PTPRR: variants seen among roughly 807,000 people sequenced by gnomAD.
PTPRR encodes receptor-type tyrosine-protein phosphatase R.
PTPRR carries 38 observed loss-of-function variants against 77.2 expected under a neutral mutation model. That is an observed-to-expected ratio of 0.49 (90% CI 0.38 to 0.65). PTPRR has a LOEUF of 0.65. Among genes scored for constraint, PTPRR ranks in the 30% least tolerant of loss-of-function variants. PTPRR has a pLI of 0.00. For missense variants in PTPRR, 744 were observed against 799.2 expected (o/e 0.93, Z 0.83); for synonymous variants, 299 against 283.1 (o/e 1.06, Z -0.57).
chr12:70,692,133 A>T (rs1159679615), intron 8 of PTPRR, among the ~76,000 whole-genome samples: 1 of 152,224 alleles, frequency 6.6e-6, no homozygotes, highest in Non-Finnish European at 1.5e-5. Flanking sequence ...TTACTGCAGG[A>T]CTTCTCAGGG....
chr12:70,880,827 T>A (rs566171447), intron 2 of PTPRR, among the ~76,000 whole-genome samples: 3 of 152,222 alleles, frequency 2.0e-5, no homozygotes, highest in Admixed American at 2.0e-4. Flanking sequence ...CCATGACTTA[T>A]TTATGCTCCT....
At chr12:70,903,912 G>A (rs1224056518) in intron 1 of PTPRR, among the ~76,000 whole-genome samples, 1 of 151,760 alleles carries the variant, frequency 6.6e-6, no homozygotes, top group East Asian at 1.9e-4. Flanking sequence ...TTTAAAAATG[G>A]GCTAAAGACT....
chr12:70,860,394 G>A (rs1335620560), intron 2 of PTPRR, among the ~76,000 whole-genome samples: 3 of 152,036 alleles, frequency 2.0e-5, no homozygotes, highest in Non-Finnish European at 4.4e-5. Flanking sequence ...AGTTCAGACT[G>A]CCTTTCAATT....
chr12:70,759,607 G>A (rs1447153755), intron 4 of PTPRR, among the ~76,000 whole-genome samples: 1 of 148,834 alleles, frequency 6.7e-6, no homozygotes, highest in African/African-American at 2.5e-5. Context: ...CATGAACTCG[G>A]GAGGCAGAGC....
chr12:70,847,119 T>G (rs1014813023), intron 2 of PTPRR, among the ~76,000 whole-genome samples: 5 of 152,292 alleles, frequency 3.3e-5, no homozygotes, highest in African/African-American at 9.6e-5. Context: ...CACGAGAACT[T>G]GGATGTTAAG....
chr12:70,875,109 C>T (rs1565726956), intron 2 of PTPRR, among the ~76,000 whole-genome samples: 1 of 151,818 alleles, frequency 6.6e-6, no homozygotes, highest in Non-Finnish European at 1.5e-5. Context: ...TATGGTATAA[C>T]CATACCATGA....
chr12:70,732,333 A>G (rs1889689803), intron 6 of PTPRR, among the ~76,000 whole-genome samples: 2 of 152,236 alleles, frequency 1.3e-5, no homozygotes, highest in African/African-American at 4.8e-5. Context: ...TTAGGAGCCA[A>G]CGTAACAAGA....
At chr12:70,792,408 A>G (rs1208669831) in intron 2 of PTPRR, among the ~76,000 whole-genome samples, 1 of 152,194 alleles carries the variant, frequency 6.6e-6, no homozygotes, top group Non-Finnish European at 1.5e-5. Context: ...TCTTCAGGTG[A>G]CAAGTAAAGG....
chr12:70,889,717 C>T (rs1170435902), intron 2 of PTPRR, among the ~76,000 whole-genome samples: 1 of 151,982 alleles, frequency 6.6e-6, no homozygotes, highest in African/African-American at 2.4e-5. Flanking sequence ...TGTATCCTCT[C>T]CTCCCTTCTC....
intron 10 of PTPRR, among the ~76,000 whole-genome samples, chr12:70,669,254 A>T (rs1887121493): frequency 6.6e-6 from 1 of 152,036 alleles, no homozygotes; most frequent in African/African-American, 2.4e-5. Flanking sequence ...AGACTTTACC[A>T]GCCAGAAGTC....
At chr12:70,772,215 T>A (rs568168261) in intron 2 of PTPRR, among the ~76,000 whole-genome samples, 1 of 152,244 alleles carries the variant, frequency 6.6e-6, no homozygotes, top group South Asian at 2.1e-4. Context: ...AATTTGAACA[T>A]AGTAGGCTAT....
At chr12:70,863,123 A>G (rs1371736043) in intron 2 of PTPRR, among the ~76,000 whole-genome samples, 1 of 152,180 alleles carries the variant, frequency 6.6e-6, no homozygotes, top group Non-Finnish European at 1.5e-5. Flanking sequence ...ATACGTAATA[A>G]CTTACATTGT....
chr12:70,753,799 CAT>C (rs1007654416), intron 5 of PTPRR, among the ~76,000 whole-genome samples: 3 of 152,172 alleles, frequency 2.0e-5, no homozygotes, highest in African/African-American at 4.8e-5. Context: ...GTCTCAAAGA[CAT>C]ATCTCTTTTT....
At chr12:70,673,075 G>C (rs1304318249) in intron 10 of PTPRR, 2 of 1,127,972 alleles carry the variant, frequency 1.8e-6, no homozygotes, top group Non-Finnish European at 2.3e-6. Flanking sequence ...ATATATATTT[G>C]ACTTATACAG....
chr12:70,719,137 A>AT (rs1565664176), intron 6 of PTPRR, among the ~76,000 whole-genome samples: 1 of 152,152 alleles, frequency 6.6e-6, no homozygotes, highest in Non-Finnish European at 1.5e-5. Context: ...TACGGAAATC[A>AT]TTTTTGACAA....
chr12:70,823,731 G>A (rs2137043407), intron 2 of PTPRR, among the ~76,000 whole-genome samples: 1 of 152,282 alleles, frequency 6.6e-6, no homozygotes, highest in Non-Finnish European at 1.5e-5. Context: ...CAAGGGACAG[G>A]TCCTTGTCTG....
chr12:70,733,577 A>G (rs1592716086), intron 6 of PTPRR, among the ~76,000 whole-genome samples: 1 of 152,064 alleles, frequency 6.6e-6, no homozygotes, highest in Non-Finnish European at 1.5e-5. Context: ...ACTAGAGGGA[A>G]CTAATTCCAC....
At chr12:70,898,140 CTT>C (rs1288361442) in intron 1 of PTPRR, among the ~76,000 whole-genome samples, 2 of 148,024 alleles carry the variant, frequency 1.4e-5, no homozygotes, top group East Asian at 4.1e-4. Flanking sequence ...TATCCTAAAA[CTT>C]AAAGTATAAT....
At chr12:70,825,061 G>T (rs1209389734) in intron 2 of PTPRR, among the ~76,000 whole-genome samples, 1 of 152,116 alleles carries the variant, frequency 6.6e-6, no homozygotes, top group East Asian at 1.9e-4. Flanking sequence ...GAAGGGGGTG[G>T]ATCACAAGGT....
Sources: gnomAD v4.1 joint callset for allele counts (sites outside exome capture counted in the v4.1 genomes callset) on GRCh38, gnomAD v4.1.1 for gene constraint, MANE v1.5 for transcripts, NCBI Gene and HGNC (gene_info 2026-07-23, HGNC 2026-07-21) for gene names.